ACTR3C: variants seen among roughly 807,000 people sequenced by gnomAD.
The protein encoded by ACTR3C is actin-related protein 3C.
A neutral mutation model predicts 26.3 loss-of-function variants in ACTR3C; 18 were observed. That is an observed-to-expected ratio of 0.68 (90% CI 0.47 to 1.01). The LOEUF is 1.01. Ranked by LOEUF, ACTR3C falls within the 50% of genes least tolerant of loss-of-function variation. The pLI, the probability that ACTR3C is intolerant of heterozygous loss-of-function variation, is 0.00. For synonymous variants in ACTR3C, 55 were observed against 94.5 expected, an observed-to-expected ratio of 0.58 and a Z score of 2.42; for missense variants, 184 against 250.7, an observed-to-expected ratio of 0.73 and a Z score of 1.80.
the ACTR3C span, among the ~76,000 whole-genome samples, chr7:149,896,885 C>T: frequency 1.3e-5 from 2 of 151,512 alleles, no homozygotes; most frequent in African/African-American, 4.9e-5. Context: ...CATGGTGAAA[C>T]CTCATCTCTC....
the ACTR3C span, among the ~76,000 whole-genome samples, chr7:150,186,763 T>A: frequency 6.6e-6 from 1 of 152,300 alleles, no homozygotes; most frequent in East Asian, 1.9e-4. Context: ...TATTAATAGG[T>A]GTACAATAAA....
intron 6 of ACTR3C, among the ~76,000 whole-genome samples, chr7:150,252,396 C>T (rs1349350376): frequency 2.0e-5 from 3 of 152,056 alleles, no homozygotes; most frequent in Non-Finnish European, 1.5e-5. Flanking sequence ...GCTACAGGAG[C>T]TTACTGGCCT....
chr7:150,157,939 C>T, the ACTR3C span, among the ~76,000 whole-genome samples: 1 of 152,158 alleles, frequency 6.6e-6, no homozygotes, highest in African/African-American at 2.4e-5. Flanking sequence ...CTTTAAGGCA[C>T]TAGAAAGCAG....
At chr7:150,178,711 T>G in the ACTR3C span, among the ~76,000 whole-genome samples, 1 of 150,804 alleles carries the variant, frequency 6.6e-6, no homozygotes, top group Non-Finnish European at 1.5e-5. Context: ...GACAACTGTG[T>G]CACACCAGCC....
the ACTR3C span, among the ~76,000 whole-genome samples, chr7:149,923,493 G>A: frequency 1.4e-4 from 21 of 152,152 alleles, no homozygotes; most frequent in South Asian, 2.1e-3. Flanking sequence ...AGTAGAACTT[G>A]GCTGAGAAAA....
downstream of ACTR3C, among the ~76,000 whole-genome samples, chr7:150,239,540 C>CTCTCTATATA (rs1317088405): frequency 4.4e-5 from 4 of 90,254 alleles, no homozygotes; most frequent in Non-Finnish European, 7.7e-5. Context: ...CTCTCTCTCT[C>CTCTCTATATA]TATATATATA....
the ACTR3C span, among the ~76,000 whole-genome samples, chr7:149,900,488 T>G: frequency 6.6e-6 from 1 of 151,428 alleles, no homozygotes; most frequent in African/African-American, 2.4e-5. Flanking sequence ...GTTTCTTTAA[T>G]TAAGAATAAA....
chr7:150,070,895 T>G, the ACTR3C span, among the ~76,000 whole-genome samples: 1 of 149,778 alleles, frequency 6.7e-6, no homozygotes, highest in Non-Finnish European at 1.5e-5. Context: ...CCCGGGTTCA[T>G]GCCATTCTCC....
At chr7:150,237,580 C>T in the ACTR3C span, among the ~76,000 whole-genome samples, 3 of 152,100 alleles carry the variant, frequency 2.0e-5, no homozygotes, top group African/African-American at 4.8e-5. Flanking sequence ...AGGGTGGTCA[C>T]GGTAACGCCC....
intron 1 of ACTR3C, among the ~76,000 whole-genome samples, chr7:150,300,891 G>T (rs1269053904): frequency 6.6e-6 from 1 of 152,028 alleles, no homozygotes; most frequent in Non-Finnish European, 1.5e-5. Context: ...AAATGTTAGC[G>T]ATTACTACTT....
the ACTR3C span, among the ~76,000 whole-genome samples, chr7:149,989,741 G>C: frequency 6.6e-6 from 1 of 152,150 alleles, no homozygotes; most frequent in Non-Finnish European, 1.5e-5. Context: ...CAGTGAGCAT[G>C]GGAGTGCAGA....
chr7:150,037,061 TCG>T, the ACTR3C span, among the ~76,000 whole-genome samples: 1 of 99,434 alleles, frequency 1.0e-5, no homozygotes, highest in Non-Finnish European at 2.2e-5. Context: ...GTCCCCACCC[TCG>T]CGGGGGGTGC....
the ACTR3C span, among the ~76,000 whole-genome samples, chr7:149,993,381 A>G: frequency 1.3e-5 from 2 of 152,142 alleles, no homozygotes; most frequent in Non-Finnish European, 2.9e-5. Flanking sequence ...GCACACTTAT[A>G]ATTTGACATT....
At chr7:150,031,341 G>A in the ACTR3C span, among the ~76,000 whole-genome samples, 3 of 152,026 alleles carry the variant, frequency 2.0e-5, no homozygotes, top group Non-Finnish European at 4.4e-5. Flanking sequence ...AAGTGTGAAG[G>A]TGAGGCTTAG....
chr7:150,199,740 A>AAC, the ACTR3C span, among the ~76,000 whole-genome samples: 2 of 143,396 alleles, frequency 1.4e-5, no homozygotes, highest in East Asian at 3.9e-4. Flanking sequence ...AAAAAAAAAA[A>AAC]AAAAAAACAT....
the ACTR3C span, among the ~76,000 whole-genome samples, chr7:150,221,195 G>A: frequency 2.7e-3 from 410 of 152,392 alleles, 4 homozygotes; most frequent in African/African-American, 9.5e-3. Flanking sequence ...GCTTGACCAG[G>A]GCGGTATTTG....
chr7:150,182,856 A>G, the ACTR3C span, among the ~76,000 whole-genome samples: 1 of 151,072 alleles, frequency 6.6e-6, no homozygotes. Context: ...AATGCTAACT[A>G]AATATTAATG....
At position 150,289,487 on chromosome 7, in the gene ACTR3C, G is replaced by A. The variant is rs1245261886; in HGVS notation, c.260C>T (p.Pro87Leu). 78 of 1,590,434 alleles carry A rather than the reference G, an allele frequency of 4.9e-5. No homozygotes were observed. Among genetic ancestry groups the A allele is most frequent in the Non-Finnish European group, 6.3e-5 (74 of 1,169,622 alleles). The change falls in exon 4 of 8, where the codon CCT becomes CTT. Residue 87 changes from proline (P) to leucine (L), a missense_variant. Pro to Leu is a moderately conservative substitution (Grantham distance 98, BLOSUM62 -3). Coordinates refer to ENST00000683684, the MANE Select transcript of ACTR3C (RefSeq NM_001164458.2). ...QLLREREVGI[P>L]PEQSLETAKA... is the part of the protein sequence containing the mutation. ...TGCGGTCTCCAGTGACTGCTCAGGA[G>A]GGATTCCCACCTCCCTCTCCCTTAG...
At chr7:150,127,143 C>G in the ACTR3C span, among the ~76,000 whole-genome samples, 15 of 30,410 alleles carry the variant, frequency 4.9e-4, no homozygotes, top group African/African-American at 2.2e-3. Flanking sequence ...CCATTAGACA[C>G]ACACACACAC....
Sources: gnomAD v4.1 joint callset for allele counts (sites outside exome capture counted in the v4.1 genomes callset) on GRCh38, gnomAD v4.1.1 for gene constraint, MANE v1.5 for transcripts, NCBI Gene and HGNC (gene_info 2026-07-23, HGNC 2026-07-21) for gene names.